The following PLXNC1 variants were observed in gnomAD, a reference collection of about 807,000 sequenced individuals.
PLXNC1 encodes plexin C1.
Under a neutral mutation model 178.2 loss-of-function variants are expected in PLXNC1, and 75 were observed. The observed-to-expected ratio is 0.42, with a 90% CI of 0.35 to 0.51. PLXNC1 has a LOEUF of 0.51. Ranked by LOEUF, PLXNC1 falls within the 20% of genes least tolerant of loss-of-function variation. The pLI is 0.02. For synonymous variants in PLXNC1, 790 were observed against 779.9 expected (o/e 1.01, Z -0.22); for missense variants, 1,503 against 1,984.4 (o/e 0.76, Z 4.61).
At chr12:94,189,670 A>ACCCTGT (rs142218457) in intron 4 of PLXNC1, among the ~76,000 whole-genome samples, 26,870 of 136,524 alleles carry the variant, frequency 0.2, 2,446 homozygotes, top group East Asian at 0.36. Context: ...ACAAAGTGAG[A>ACCCTGT]CCCTGTCTCA....
chr12:94,201,748 C>CTTTTTTTTTTTTTTT (rs10529488), intron 4 of PLXNC1, among the ~76,000 whole-genome samples: 1 of 54,498 alleles, frequency 1.8e-5, no homozygotes, highest in African/African-American at 7.3e-5. Flanking sequence ...CTTCCCACTA[C>CTTTTTTTTTTTTTTT]TTTTTTTTTT....
intron 7 of PLXNC1, 70 bp from the exon 8 acceptor site, chr12:94,226,535 C>T (rs1963944231): frequency 3.0e-6 from 3 of 1,015,436 alleles, no homozygotes; most frequent in African/African-American, 1.6e-5. Context: ...TGCCACATCA[C>T]AGAGGGAAAT....
At chr12:94,263,094 G>A (rs1016606373) in intron 20 of PLXNC1, among the ~76,000 whole-genome samples, 1 of 152,148 alleles carries the variant, frequency 6.6e-6, no homozygotes, top group South Asian at 2.1e-4. Context: ...AATCACGTAC[G>A]CAGCGGCTGT....
chr12:94,199,940 G>A (rs56316318), intron 4 of PLXNC1, among the ~76,000 whole-genome samples: 26,539 of 152,108 alleles, frequency 0.17, 2,458 homozygotes, highest in Middle Eastern at 0.19. Context: ...GACTACAGGC[G>A]CGTGCCACCA....
intron 9 of PLXNC1, among the ~76,000 whole-genome samples, chr12:94,229,663 C>T (rs1334443737): frequency 6.6e-6 from 1 of 152,120 alleles, no homozygotes; most frequent in African/African-American, 2.4e-5. Context: ...TGTCCTTTCC[C>T]CCATTGAATG....
intron 27 of PLXNC1, among the ~76,000 whole-genome samples, chr12:94,300,289 C>A (rs1968338379): frequency 6.6e-6 from 1 of 152,134 alleles, no homozygotes; most frequent in Admixed American, 6.5e-5. Context: ...GAAGGCCTCA[C>A]AGAGATGGTG....
At position 94,248,376 on chromosome 12, in the gene PLXNC1, T is replaced by G; in HGVS notation, c.2742T>G (p.Thr914=). Residue 914 remains threonine, a synonymous_variant, in exon 14 of 31, where the codon ACT becomes ACG. Coordinates refer to ENST00000258526, the MANE Select transcript of PLXNC1 (RefSeq NM_005761.3). ...TTTGCAAAATTAAAGGCATCAAGAC[T>G]GCAAGCACCATTGCCAACTCTTCTA... ...TILCKIKGIK[T]ASTIANSSKK... 1 of 1,610,870 alleles carries G rather than the reference T, an allele frequency of 6.2e-7. No individual in the cohort carries two copies. The highest frequency in any genetic ancestry group is 8.5e-7 in the Non-Finnish European group (1 of 1,179,058).
At chr12:94,174,288 G>A (rs866785085) in intron 2 of PLXNC1, among the ~76,000 whole-genome samples, 7 of 151,932 alleles carry the variant, frequency 4.6e-5, no homozygotes, top group African/African-American at 1.7e-4. Flanking sequence ...AGGCTTAAGC[G>A]ATCCTCCCAC....
Position 94,181,584 on chromosome 12 carries a change from G to A in PLXNC1, c.1338+4G>A, listed in dbSNP as rs749204832. 14 of 1,601,538 alleles carry A rather than the reference G, an allele frequency of 8.7e-6. 1 individual carries two copies. In the South Asian group the frequency reaches 1.6e-4, roughly 18 times the overall value. On this transcript the variant is annotated splice_donor_region_variant and intron_variant, in intron 3 of 30. Coordinates refer to ENST00000258526, the MANE Select transcript of PLXNC1 (RefSeq NM_005761.3). ...TTATCTAACAGCTGGGAAAGAGGTA[G>A]GTAGAAATACTAGTTATTGCTTCTG...
At chr12:94,189,010 G>A (rs980531246) in intron 4 of PLXNC1, among the ~76,000 whole-genome samples, 1 of 152,256 alleles carries the variant, frequency 6.6e-6, no homozygotes, top group Non-Finnish European at 1.5e-5. Context: ...GACTAGGAGG[G>A]AGAATAGAAT....
chr12:94,149,178 C>T lies in PLXNC1; in HGVS notation c.207C>T (p.Asp69=), dbSNP rs1287863800. The part of the protein sequence containing the change: ...VASGSCLDQL[D]YSLEHSLSRL... ...GCGGCAGCTGCCTGGACCAGCTGGA[C>T]TACAGCCTGGAGCACAGCCTCTCGC... The change falls in exon 1 of 31, where the codon GAC becomes GAT. Residue 69 remains aspartate (D), a synonymous_variant. Coordinates refer to ENST00000258526, the MANE Select transcript of PLXNC1 (RefSeq NM_005761.3). 2 of 1,590,838 alleles carry T rather than the reference C, an allele frequency of 1.3e-6. No homozygotes were observed. Among genetic ancestry groups the T allele is most frequent in the South Asian group, 2.3e-5 (2 of 88,802 alleles).
At chr12:94,210,368 A>G (rs955927031) in intron 5 of PLXNC1, among the ~76,000 whole-genome samples, 6 of 152,228 alleles carry the variant, frequency 3.9e-5, no homozygotes, top group African/African-American at 1.4e-4. Context: ...TGCCCTACGG[A>G]AAAAGGGAAT....
At chr12:94,216,173 C>T (rs564362990) in intron 5 of PLXNC1, among the ~76,000 whole-genome samples, 1 of 151,700 alleles carries the variant, frequency 6.6e-6, no homozygotes, top group South Asian at 2.1e-4. Flanking sequence ...GAGGCTGAGG[C>T]AGGAGAATCG....
In PLXNC1 at chr12:94,306,233, A is replaced by C. The variant is rs1443715167; in HGVS notation, c.*948A>C. 6.6e-6 allele frequency: 1 copy of C among 152,118 alleles called. No individual in the cohort carries two copies. The highest frequency in any genetic ancestry group is 6.6e-5 in the Admixed American group (1 of 15,264). 9.4% of individuals were successfully genotyped at this position (152,118 alleles called of 1,614,324 possible). On this transcript the variant is annotated 3_prime_UTR_variant, in exon 31 of 31. Transcript: ENST00000258526. ...GAATACTTGTGTGTGATTTAAAAAA[A>C]AAAAGATACATTTTACATTTTATCG...
At chr12:94,228,991 T>C (rs1964019728) in intron 9 of PLXNC1, among the ~76,000 whole-genome samples, 1 of 152,220 alleles carries the variant, frequency 6.6e-6, no homozygotes, top group African/African-American at 2.4e-5. Context: ...CCGTTTTCCA[T>C]AGCAACGATA....
intron 1 of PLXNC1, among the ~76,000 whole-genome samples, chr12:94,157,930 C>A (rs1013156775): frequency 6.6e-6 from 1 of 152,190 alleles, no homozygotes; most frequent in Non-Finnish European, 1.5e-5. Context: ...CTGTAATTTT[C>A]ACTTGTCATG....
At chr12:94,277,195 C>G (rs1017749545) in intron 21 of PLXNC1, 6 of 152,124 alleles carry the variant, frequency 3.9e-5, no homozygotes, top group African/African-American at 1.4e-4. Context: ...CCTGCTGGGT[C>G]CTCACATGGT....
At position 94,281,762 on chromosome 12, in the gene PLXNC1, A is replaced by T. The variant is rs117325987; in HGVS notation, c.3776-536A>T. ...ATCTTTAAATGTTGGCACTGAGTTG[A>T]CACTAAAATAATAATTAAACACCAT... On this transcript the variant is annotated intron_variant, in intron 22 of 30. Transcript: ENST00000258526. 9.0e-3 allele frequency: 1,386 copies of T among 153,672 alleles called. 14 individuals are homozygous for T. The highest frequency in any genetic ancestry group is 0.014 in the Non-Finnish European group (952 of 68,930). 9.5% of individuals were successfully genotyped at this position (153,672 alleles called of 1,614,324 possible).
chr12:94,266,420 G>T (rs1042182757), intron 21 of PLXNC1, among the ~76,000 whole-genome samples: 2 of 152,218 alleles, frequency 1.3e-5, no homozygotes, highest in African/African-American at 2.4e-5. Context: ...CGGAGAGTGG[G>T]CTGCATTGGT....
Sources: allele counts gnomAD v4.1 joint callset (sites outside exome capture counted in the v4.1 genomes callset), GRCh38; gene constraint gnomAD v4.1.1; transcripts MANE v1.5; gene names NCBI Gene and HGNC (gene_info 2026-07-23, HGNC 2026-07-21).